Variants in PLXDC1 observed in about 807,000 individuals in gnomAD.
The protein encoded by PLXDC1 is plexin domain-containing protein 1.
Under a neutral mutation model 61.3 loss-of-function variants are expected in PLXDC1, and 39 were observed. The ratio of observed to expected loss-of-function variants is 0.64; its 90% confidence interval spans 0.49 to 0.83. The LOEUF (loss-of-function observed/expected upper bound fraction) is 0.83, where lower values mean the gene tolerates loss of function less well. Among genes scored for constraint, PLXDC1 ranks in the 40% least tolerant of loss-of-function variants. The pLI is 0.00. For synonymous variants in PLXDC1, 212 were observed against 254.5 expected (o/e 0.83, Z 1.59); for missense variants, 596 against 666.5 (o/e 0.89, Z 1.17).
At chr17:39,131,348 CTTT>C (rs1447661361) in intron 2 of PLXDC1, among the ~76,000 whole-genome samples, 1 of 137,760 alleles carries the variant, frequency 7.3e-6, no homozygotes, top group Admixed American at 7.2e-5. Context: ...TCTCTTCTCT[CTTT>C]TTCTTTTCTT....
intron 11 of PLXDC1, among the ~76,000 whole-genome samples, chr17:39,077,127 C>T (rs906967420): frequency 3.3e-5 from 5 of 152,130 alleles, no homozygotes; most frequent in Admixed American, 6.5e-5. Context: ...CTCAGCCTCC[C>T]GAAGTGCTGG....
intron 7 of PLXDC1, among the ~76,000 whole-genome samples, chr17:39,094,507 C>G (rs550117726): frequency 6.6e-6 from 1 of 151,966 alleles, no homozygotes; most frequent in Non-Finnish European, 1.5e-5. Context: ...GACCCGGCCC[C>G]ACTCTGAGTC....
chr17:39,144,395 C>T (rs1000368294), intron 1 of PLXDC1, among the ~76,000 whole-genome samples: 4 of 152,118 alleles, frequency 2.6e-5, no homozygotes, highest in Non-Finnish European at 2.9e-5. Context: ...GAGGGCAGGG[C>T]GAGGGATGGA....
chr17:39,078,104 C>T (rs1285656788), intron 10 of PLXDC1, 56 bp from the exon 11 acceptor site: 2 of 1,477,128 alleles, frequency 1.4e-6, no homozygotes, highest in Non-Finnish European at 1.8e-6. Flanking sequence ...TCCCTTCATC[C>T]TGAAAGCATC....
intron 1 of PLXDC1, among the ~76,000 whole-genome samples, chr17:39,150,796 T>C (rs1430111210): frequency 6.6e-6 from 1 of 152,126 alleles, no homozygotes; most frequent in Non-Finnish European, 1.5e-5. Context: ...GCAAGTTGCT[T>C]CTTCCTGGGC....
chr17:39,090,321 T>C (rs1030594177), intron 7 of PLXDC1, among the ~76,000 whole-genome samples: 7 of 150,158 alleles, frequency 4.7e-5, no homozygotes, highest in Non-Finnish European at 7.4e-5. Context: ...TCCCTGGAGC[T>C]GAGCAGCATC....
At chr17:39,097,902 TAAAAA>T (rs71141758) in intron 7 of PLXDC1, among the ~76,000 whole-genome samples, 2 of 102,722 alleles carry the variant, frequency 1.9e-5, no homozygotes, top group South Asian at 3.3e-4. Context: ...ACCCTGTCTA[TAAAAA>T]AAAAAAAAAA....
In PLXDC1 at chr17:39,063,823, C is replaced by T; in HGVS notation, c.*4017G>A. 2 of 293,180 alleles carry T rather than the reference C, an allele frequency of 6.8e-6. No homozygotes were observed. Among genetic ancestry groups the T allele is most frequent in the East Asian group, 8.5e-5 (1 of 11,772 alleles). 18.2% of individuals were successfully genotyped at this position (293,180 alleles called of 1,614,324 possible). On this transcript the variant is annotated 3_prime_UTR_variant, in exon 14 of 14. Transcript: ENST00000315392. ...ACTCTTCTGGTGTAGGTTTGCTTGG[C>T]CAGGGAGTCTGAGTGCAGCCCCTGA...
At chr17:39,122,111 A>AG (rs1167718193) in intron 2 of PLXDC1, among the ~76,000 whole-genome samples, 845 of 40,142 alleles carry the variant, frequency 0.021, 5 homozygotes, top group Middle Eastern at 0.078. Flanking sequence ...AAAAAAAAAA[A>AG]GGGGGGGGGG....
At chr17:39,112,443 C>CTTTT (rs1027993451) in intron 2 of PLXDC1, among the ~76,000 whole-genome samples, 1 of 138,414 alleles carries the variant, frequency 7.2e-6, no homozygotes, top group Admixed American at 8.0e-5. Context: ...TTCAGCCCAT[C>CTTTT]TTTTTTTTTC....
At chr17:39,116,948 G>A (rs573165536) in intron 2 of PLXDC1, among the ~76,000 whole-genome samples, 1 of 152,332 alleles carries the variant, frequency 6.6e-6, no homozygotes, top group South Asian at 2.1e-4. Flanking sequence ...GGGCCAGGGC[G>A]TGCCAGATTG....
At chr17:39,104,375 A>G (rs1910524467) in intron 7 of PLXDC1, among the ~76,000 whole-genome samples, 1 of 152,156 alleles carries the variant, frequency 6.6e-6, no homozygotes. Flanking sequence ...TGAACTTTGC[A>G]TATAGAAGGT....
intron 2 of PLXDC1, among the ~76,000 whole-genome samples, chr17:39,109,778 G>C (rs1365378040): frequency 6.6e-6 from 1 of 152,170 alleles, no homozygotes; most frequent in African/African-American, 2.4e-5. Context: ...CCGGGCCCTT[G>C]TTTTCAGGGA....
intron 2 of PLXDC1, among the ~76,000 whole-genome samples, 170 bp downstream of exon 2, chr17:39,139,484 G>A (rs1259003674): frequency 6.6e-6 from 1 of 152,176 alleles, no homozygotes; most frequent in Admixed American, 6.5e-5. Flanking sequence ...TTATGACCCA[G>A]TCTGGGCCCT....
At chr17:39,090,904 A>G (rs1477966283) in intron 7 of PLXDC1, among the ~76,000 whole-genome samples, 1 of 151,258 alleles carries the variant, frequency 6.6e-6, no homozygotes, top group South Asian at 2.1e-4. Context: ...TCTCTCTAGG[A>G]CGGCATATTT....
chr17:39,102,705 T>TACACACACACACACACACAC (rs553513409), intron 7 of PLXDC1, among the ~76,000 whole-genome samples: 51 of 136,134 alleles, frequency 3.7e-4, no homozygotes, highest in African/African-American at 1.4e-3. Flanking sequence ...TGCTATCAAA[T>TACACACACACACACACACAC]ACACACACAC....
chr17:39,122,882 T>C (rs754223518), intron 2 of PLXDC1, among the ~76,000 whole-genome samples: 12 of 152,210 alleles, frequency 7.9e-5, no homozygotes, highest in East Asian at 1.9e-4. Flanking sequence ...AAATCTTTCA[T>C]AGAAGCTCAA....
At chr17:39,146,513 C>G (rs1039508657) in intron 1 of PLXDC1, among the ~76,000 whole-genome samples, 1 of 151,938 alleles carries the variant, frequency 6.6e-6, no homozygotes, top group African/African-American at 2.4e-5. Context: ...CCCATCTCTA[C>G]TAAAATTTTT....
At position 39,065,752 on chromosome 17, in the gene PLXDC1, G is replaced by C. The variant is rs1908869884; in HGVS notation, c.*2088C>G. 6.6e-6 allele frequency: 1 copy of C among 152,434 alleles called. No individual in the cohort carries two copies. Among genetic ancestry groups the C allele is most frequent in the East Asian group, 1.9e-4 (1 of 5,210 alleles). 9.4% of individuals were successfully genotyped at this position (152,434 alleles called of 1,614,324 possible). ...ACTTGGTAGCTATGGAGTATGACCA[G>C]ATGGAGACATGGGTCTTGTGGCCGG... On this transcript the variant is annotated 3_prime_UTR_variant, in exon 14 of 14. Transcript: ENST00000315392.
Sources: allele counts gnomAD v4.1 joint callset (sites outside exome capture counted in the v4.1 genomes callset), GRCh38; gene constraint gnomAD v4.1.1; transcripts MANE v1.5; gene names NCBI Gene and HGNC (gene_info 2026-07-23, HGNC 2026-07-21).